Variants in LRMDA observed in about 807,000 individuals in gnomAD.
LRMDA encodes leucine rich melanocyte differentiation associated.
LRMDA carries 18 observed loss-of-function variants against 29.8 expected under a neutral mutation model. That is an observed-to-expected ratio of 0.60 (90% CI 0.42 to 0.90). The LOEUF (loss-of-function observed/expected upper bound fraction) is 0.90. Ranked by LOEUF, LRMDA falls within the 40% of genes least tolerant of loss-of-function variation. The pLI is 0.00. For synonymous variants in LRMDA, 125 were observed against 109.4 expected (o/e 1.14, Z -0.89); for missense variants, 273 against 273.9 (o/e 1.00, Z 0.02).
At chr10:76,327,383 G>A (rs781174694) in intron 6 of LRMDA, among the ~76,000 whole-genome samples, 29 of 152,062 alleles carry the variant, frequency 1.9e-4, no homozygotes, top group Non-Finnish European at 2.2e-4. Context: ...GAGCCACCAC[G>A]CCCAGCCTCA....
In LRMDA at chr10:76,557,430, C is replaced by G. The variant is rs923618141; in HGVS notation, c.*142C>G. Reference sequence around the variant, plus strand: ...CTATGACTTCAGCTTTTGGTACCTTCCGCTGACTTTGCCAGGCCTGTCAAG... The same window carrying G: ...CTATGACTTCAGCTTTTGGTACCTTGCGCTGACTTTGCCAGGCCTGTCAAG... On this transcript the variant is annotated 3_prime_UTR_variant, in exon 7 of 7. Coordinates refer to ENST00000611255, the MANE Select transcript of LRMDA (RefSeq NM_001305581.2). 5.9e-6 allele frequency: 4 copies of G among 682,370 alleles called. No homozygotes were observed. The African/African-American group carries it at 7.2e-5, about 12-fold the overall frequency. 42.3% of individuals were successfully genotyped at this position (682,370 alleles called of 1,614,324 possible). A position where few individuals can be genotyped will look rare whatever the true frequency, so the allele number is the denominator to read the frequency against.
intron 2 of LRMDA, among the ~76,000 whole-genome samples, chr10:75,989,462 C>T (rs930226860): frequency 2.0e-5 from 3 of 152,210 alleles, no homozygotes; most frequent in African/African-American, 7.2e-5. Context: ...TTATCAACCA[C>T]AGCTCCAAAG....
At chr10:75,669,160 G>A (rs1362283569) in intron 2 of LRMDA, among the ~76,000 whole-genome samples, 1 of 152,176 alleles carries the variant, frequency 6.6e-6, no homozygotes, top group Non-Finnish European at 1.5e-5. Flanking sequence ...GGTATCTTCT[G>A]TTTTCCATCT....
chr10:76,252,835 G>A (rs1564701005), intron 5 of LRMDA, among the ~76,000 whole-genome samples: 1 of 152,226 alleles, frequency 6.6e-6, no homozygotes, highest in African/African-American at 2.4e-5. Context: ...AGAAAAACTT[G>A]TAATCGCCTT....
At chr10:76,302,209 G>A (rs981416360) in intron 5 of LRMDA, among the ~76,000 whole-genome samples, 9 of 152,076 alleles carry the variant, frequency 5.9e-5, no homozygotes, top group Non-Finnish European at 1.3e-4. Context: ...ACTAAATTTA[G>A]TAGCCTTGCT....
At chr10:75,924,839 A>G (rs1846091924) in intron 2 of LRMDA, among the ~76,000 whole-genome samples, 1 of 152,096 alleles carries the variant, frequency 6.6e-6, no homozygotes, top group African/African-American at 2.4e-5. Context: ...GTTCTTTCCT[A>G]TTATATTTTC....
chr10:75,661,982 C>T (rs1373092131), intron 2 of LRMDA, among the ~76,000 whole-genome samples: 1 of 152,116 alleles, frequency 6.6e-6, no homozygotes, highest in Non-Finnish European at 1.5e-5. Flanking sequence ...TTCCCCCTAC[C>T]CTGTACTTTC....
chr10:75,497,152 T>G (rs1476945744), intron 2 of LRMDA, among the ~76,000 whole-genome samples: 1 of 152,134 alleles, frequency 6.6e-6, no homozygotes, highest in African/African-American at 2.4e-5. Context: ...TCATGCTACA[T>G]GTCAGGGTGG....
intron 2 of LRMDA, among the ~76,000 whole-genome samples, chr10:75,481,886 C>T (rs950239464): frequency 1.3e-5 from 2 of 152,184 alleles, no homozygotes; most frequent in African/African-American, 4.8e-5. Context: ...AAGTCTCTTA[C>T]CCCCACCTTT....
chr10:76,009,618 T>C (rs1156799067), intron 2 of LRMDA, among the ~76,000 whole-genome samples: 2 of 152,082 alleles, frequency 1.3e-5, no homozygotes, highest in Non-Finnish European at 2.9e-5. Flanking sequence ...TTCTCTCCCA[T>C]GTATCATCAG....
At chr10:75,473,817 C>T (rs1224546873) in intron 2 of LRMDA, among the ~76,000 whole-genome samples, 1 of 152,208 alleles carries the variant, frequency 6.6e-6, no homozygotes, top group Non-Finnish European at 1.5e-5. Flanking sequence ...TGGTCATCAT[C>T]TCACCAGGGA....
At chr10:76,185,745 C>G (rs1337532181) in intron 5 of LRMDA, among the ~76,000 whole-genome samples, 2 of 152,066 alleles carry the variant, frequency 1.3e-5, no homozygotes, top group African/African-American at 4.8e-5. Context: ...TGGTAAGAAC[C>G]AAAGCTATGT....
Position 75,431,639 on chromosome 10 carries a change from G to T in LRMDA, c.-86G>T, listed in dbSNP as rs1191082371. The T allele has an allele frequency of 9.5e-6, 11 of 1,154,706 alleles. No homozygotes were observed. The East Asian group carries it at 2.2e-4, about 23-fold the overall frequency. The allele number at this position is 1,154,706 out of a possible 1,614,324, so 71.5% of individuals were successfully genotyped here. ...CTGACTGCCCAGTGCGGAACTGTGC[G>T]CCCGCCGCGCTCCCCTGCCGCGCTC... On this transcript the variant is annotated 5_prime_UTR_variant, in exon 1 of 7. Coordinates refer to ENST00000611255, the MANE Select transcript of LRMDA (RefSeq NM_001305581.2).
intron 6 of LRMDA, among the ~76,000 whole-genome samples, chr10:76,383,720 G>A (rs562648679): frequency 2.0e-5 from 3 of 151,978 alleles, no homozygotes; most frequent in South Asian, 2.1e-4. Context: ...GTGAGCCACC[G>A]CGCCCGGCCC....
intron 5 of LRMDA, among the ~76,000 whole-genome samples, chr10:76,307,863 CCTTGAGCTCAT>C (rs1005279220): frequency 5.2e-4 from 78 of 149,752 alleles, no homozygotes; most frequent in African/African-American, 1.8e-3. Context: ...AAACCATATA[CCTTGAGCTCAT>C]TAAAGCCCCC....
chr10:76,279,193 C>T (rs917797368), intron 5 of LRMDA, among the ~76,000 whole-genome samples: 1 of 152,150 alleles, frequency 6.6e-6, no homozygotes, highest in Non-Finnish European at 1.5e-5. Context: ...AGAGCATGAA[C>T]TTAGAGTTTG....
intron 2 of LRMDA, among the ~76,000 whole-genome samples, chr10:75,544,889 G>A (rs959300316): frequency 1.3e-5 from 2 of 152,134 alleles, no homozygotes; most frequent in African/African-American, 2.4e-5. Flanking sequence ...TAAGTCAGAT[G>A]TTTTAAAGTA....
chr10:75,843,114 T>C (rs1209849905), intron 2 of LRMDA, among the ~76,000 whole-genome samples: 1 of 152,242 alleles, frequency 6.6e-6, no homozygotes, highest in Non-Finnish European at 1.5e-5. Flanking sequence ...CTCATTCATT[T>C]TTGTTTCCTT....
chr10:75,720,520 G>A (rs1040191277), intron 2 of LRMDA, among the ~76,000 whole-genome samples: 5 of 152,218 alleles, frequency 3.3e-5, no homozygotes, highest in African/African-American at 4.8e-5. Flanking sequence ...GAGTGGAAAT[G>A]CCTTCGAAGT....
Sources: allele counts gnomAD v4.1 joint callset (sites outside exome capture counted in the v4.1 genomes callset), GRCh38; gene constraint gnomAD v4.1.1; transcripts MANE v1.5; gene names NCBI Gene and HGNC (gene_info 2026-07-23, HGNC 2026-07-21).